TTC3: variants seen among roughly 807,000 people sequenced by gnomAD.
TTC3 encodes the protein tetratricopeptide repeat domain 3.
TTC3 carries 180 observed loss-of-function variants against 249.6 expected under a neutral mutation model. The ratio of observed to expected loss-of-function variants is 0.72; its 90% confidence interval spans 0.64 to 0.82. The LOEUF is 0.82. TTC3 is among the 40% of genes least tolerant of loss of function. The probability of loss-of-function intolerance (pLI) is 0.00; values close to 1 mark genes in which losing one functional copy is unlikely to be tolerated. For missense variants in TTC3, 2,061 were observed against 2,398.4 expected (o/e 0.86, Z 2.94); for synonymous variants, 717 against 805.0 (o/e 0.89, Z 1.85).
chr21:37,123,393 G>A (rs74420981), intron 13 of TTC3, among the ~76,000 whole-genome samples: 4,172 of 152,232 alleles, frequency 0.027, 82 homozygotes, highest in Middle Eastern at 0.044. Flanking sequence ...TGTCTTGGAA[G>A]TATCTATGGC....
chr21:37,182,346 G>C (rs913770973), intron 35 of TTC3, among the ~76,000 whole-genome samples: 2 of 152,200 alleles, frequency 1.3e-5, no homozygotes, highest in African/African-American at 4.8e-5. Flanking sequence ...CACACTGCCT[G>C]AAATTCTGGC....
intron 35 of TTC3, among the ~76,000 whole-genome samples, chr21:37,181,114 C>T (rs2082721956): frequency 6.6e-6 from 1 of 152,206 alleles, no homozygotes; most frequent in Admixed American, 6.5e-5. Flanking sequence ...ACCTGTTTAG[C>T]ATTGTGAGGC....
At chr21:37,125,265 C>T (rs1263817029) in intron 14 of TTC3, among the ~76,000 whole-genome samples, 1 of 152,292 alleles carries the variant, frequency 6.6e-6, no homozygotes, top group East Asian at 1.9e-4. Context: ...TTAGTGCTTC[C>T]GAAATGAACT....
At position 37,122,979 on chromosome 21, in the gene TTC3, A is replaced by G. The variant is rs1437989307; in HGVS notation, c.1064-4A>G. 4 of 1,612,724 alleles carry G rather than the reference A, an allele frequency of 2.5e-6. No individual in the cohort carries two copies. The highest frequency in any genetic ancestry group is 1.1e-5 in the South Asian group (1 of 91,056). ...TGTGTGTGTGTGTGTGATGACTTTT[A>G]TAGGTCGAACAGCAAATAAGGATCC... On this transcript the variant is annotated splice_polypyrimidine_tract_variant and splice_region_variant and intron_variant, in intron 12 of 45. Transcript: ENST00000355666.
At chr21:37,196,847 G>T (rs2084966304) in intron 42 of TTC3, among the ~76,000 whole-genome samples, 1 of 152,214 alleles carries the variant, frequency 6.6e-6, no homozygotes, top group African/African-American at 2.4e-5. Flanking sequence ...TTAACAAGGG[G>T]TCCTTGTGAA....
intron 35 of TTC3, among the ~76,000 whole-genome samples, chr21:37,179,111 A>C (rs1213888329): frequency 2.0e-5 from 3 of 152,138 alleles, no homozygotes; most frequent in East Asian, 3.9e-4. Context: ...CACTCGCTAC[A>C]AAAAAATTAA....
At chr21:37,192,298 G>T in intron 41 of TTC3, 85 bp downstream of exon 41, 1 of 881,230 alleles carries the variant, frequency 1.1e-6, no homozygotes, top group South Asian at 1.9e-5. Context: ...TTGTTTCCTG[G>T]GAGTGAGGAT....
chr21:37,087,722 G>T, intron 2 of TTC3, 111 bp from the exon 3 acceptor site: 1 of 857,692 alleles, frequency 1.2e-6, no homozygotes, highest in East Asian at 2.6e-5. Flanking sequence ...TGTGTTTGAA[G>T]CATATAAATA....
intron 11 of TTC3, among the ~76,000 whole-genome samples, chr21:37,109,716 G>A (rs181223443): frequency 2.0e-5 from 3 of 152,198 alleles, no homozygotes; most frequent in Non-Finnish European, 4.4e-5. Context: ...GAGAGTAGTG[G>A]TTCTCCCAGC....
Position 37,132,822 on chromosome 21 carries a change from T to G in TTC3, c.1443+56T>G, listed in dbSNP as rs1458004669. 5 of 1,364,586 alleles carry G rather than the reference T, an allele frequency of 3.7e-6. No homozygotes were observed. The East Asian group carries it at 1.2e-4, about 32-fold the overall frequency. The allele number at this position is 1,364,586 out of a possible 1,614,324, so 84.5% of individuals were successfully genotyped here. A position where few individuals can be genotyped will look rare whatever the true frequency, so the allele number is the denominator to read the frequency against. On this transcript the variant is annotated intron_variant, in intron 17 of 45. Coordinates refer to ENST00000355666, the Ensembl canonical transcript of TTC3. Reference sequence around the variant, plus strand: ...CAAAACTCTTTGAACAAAACATTGTTCACATGAATAAGGTTCTAATCATGT... The same window carrying G: ...CAAAACTCTTTGAACAAAACATTGTGCACATGAATAAGGTTCTAATCATGT...
rs908810035 is a variant in TTC3 at position 37,087,140 on chromosome 21, G to C, written c.-11-107G>C. 5.8e-4 allele frequency: 729 copies of C among 1,264,974 alleles called. 10 individuals are homozygous for C. Among genetic ancestry groups the C allele is most frequent in the Non-Finnish European group, 1.2e-4 (107 of 907,068 alleles). 78.4% of individuals were successfully genotyped at this position (1,264,974 alleles called of 1,614,324 possible). Reference sequence around the variant, plus strand: ...TGTTCTGATAGGAGTTATTTCCTTGGGCATAGGTTCCAAGTATTTTTCTAA... The same window carrying C: ...TGTTCTGATAGGAGTTATTTCCTTGCGCATAGGTTCCAAGTATTTTTCTAA... On this transcript the variant is annotated intron_variant, in intron 1 of 45. Coordinates refer to ENST00000355666, the Ensembl canonical transcript of TTC3.
At chr21:37,089,086 C>T (rs941681249) in intron 5 of TTC3, among the ~76,000 whole-genome samples, 200 bp downstream of exon 5, 8 of 152,160 alleles carry the variant, frequency 5.3e-5, no homozygotes, top group East Asian at 1.9e-4. Context: ...CATGGTTCTA[C>T]GCTGGGGACC....
At chr21:37,096,736 C>G (rs2073982749) in intron 10 of TTC3, 93 bp downstream of exon 10, 4 of 918,482 alleles carry the variant, frequency 4.4e-6, no homozygotes, top group Non-Finnish European at 6.9e-6. Context: ...CAAGAAAATC[C>G]TTGACTGGTT....
chr21:37,182,292 C>T (rs1362317139), intron 35 of TTC3, among the ~76,000 whole-genome samples: 1 of 152,186 alleles, frequency 6.6e-6, no homozygotes, highest in East Asian at 1.9e-4. Flanking sequence ...TCCAGGGGAA[C>T]GGTAACTAGC....
chr21:37,150,168 G>A, exon 24 of TTC3: 1 of 1,609,804 alleles, frequency 6.2e-7, no homozygotes, highest in Non-Finnish European at 8.5e-7. Flanking sequence ...AGTTAAATGT[G>A]AAGTAAGTAA....
intron 28 of TTC3, 196 bp from the exon 29 acceptor site, chr21:37,159,503 A>G (rs557375303): frequency 5.3e-6 from 3 of 569,254 alleles, no homozygotes; most frequent in South Asian, 2.4e-5. Context: ...TTGAAGTTTT[A>G]TGGTTCTTTG....
At chr21:37,192,707 G>T (rs144540611) in intron 41 of TTC3, among the ~76,000 whole-genome samples, 3 of 152,152 alleles carry the variant, frequency 2.0e-5, no homozygotes, top group African/African-American at 7.2e-5. Context: ...CAGAATAAAA[G>T]CTGCTATGCC....
Position 37,148,658 on chromosome 21 carries a change from A to C in TTC3, c.2118+11A>C, listed in dbSNP as rs527493422. 6.5e-7 allele frequency: 1 copy of C among 1,541,142 alleles called. No homozygotes were observed. Among genetic ancestry groups the C allele is most frequent in the South Asian group, 1.2e-5 (1 of 80,974 alleles). On this transcript the variant is annotated intron_variant, in intron 23 of 45. Transcript: ENST00000355666. ...GATAAAATTGACAAGGTAAAGCATA[A>C]CAGGATTGTCTGAATTTTTCAGTAT...
intron 18 of TTC3, 68 bp downstream of exon 18, chr21:37,135,582 A>G: frequency 1.3e-6 from 2 of 1,547,586 alleles, no homozygotes; most frequent in Non-Finnish European, 1.8e-6. Context: ...GAAGAGAACC[A>G]AGGGCTTAAC....
Sources: gnomAD v4.1 joint callset for allele counts (sites outside exome capture counted in the v4.1 genomes callset) on GRCh38, gnomAD v4.1.1 for gene constraint, MANE v1.5 for transcripts, NCBI Gene and HGNC (gene_info 2026-07-23, HGNC 2026-07-21) for gene names.